GALNT17: variants seen among roughly 807,000 people sequenced by gnomAD.
GALNT17 encodes UDP-GalNAc:polypeptide N-acetylgalactosaminyltransferase-like 3.
In GALNT17, 29 loss-of-function variants were observed where a neutral mutation model predicts 63.7. The observed-to-expected ratio is 0.46, with a 90% confidence interval of 0.34 to 0.62. GALNT17 has a LOEUF of 0.62. Ranked by LOEUF, GALNT17 falls within the 20% of genes least tolerant of loss-of-function variation. The pLI, the probability that GALNT17 is intolerant of heterozygous loss-of-function variation, is 0.01. For missense variants in GALNT17, 603 were observed against 799.6 expected, an observed-to-expected ratio of 0.75 and a Z score of 2.97; for synonymous variants, 305 against 318.3, an observed-to-expected ratio of 0.96 and a Z score of 0.45.
In GALNT17 at chr7:71,378,414, G is replaced by A. The variant is rs1006185951; in HGVS notation, c.423-9821G>A. 9.9e-5 allele frequency among the ~76,000 whole-genome samples: 15 copies of A among 152,168 alleles called. No homozygotes were observed. The South Asian group carries it at 2.7e-3, about 27-fold the overall frequency. On this transcript the variant is annotated intron_variant, in intron 2 of 10. Transcript: ENST00000333538. ...TAGGGAAGCCTTGATGAGGAGGGAA[G>A]CATAAAGGGAAAATTGGGCTGGTTA...
At chr7:71,420,753 G>T (rs527890347) in intron 4 of GALNT17, among the ~76,000 whole-genome samples, 155 bp from the exon 5 acceptor site, 1 of 152,178 alleles carries the variant, frequency 6.6e-6, no homozygotes, top group Non-Finnish European at 1.5e-5. Flanking sequence ...AGGATCCAGC[G>T]TGGGCAGGTC....
chr7:71,674,348 T>TA (rs67385519), intron 8 of GALNT17, among the ~76,000 whole-genome samples: 6,217 of 146,096 alleles, frequency 0.043, 354 homozygotes, highest in African/African-American at 0.13. Context: ...CTCTTCCTTT[T>TA]TAAAAAAAAA....
chr7:71,695,573 A>G (rs1244840040), intron 9 of GALNT17, among the ~76,000 whole-genome samples: 1 of 152,190 alleles, frequency 6.6e-6, no homozygotes, highest in African/African-American at 2.4e-5. Context: ...AAAGTGTGCA[A>G]TCTGATGAGT....
intron 9 of GALNT17, among the ~76,000 whole-genome samples, chr7:71,695,807 A>C (rs1791531854): frequency 6.6e-6 from 1 of 152,190 alleles, no homozygotes; most frequent in Non-Finnish European, 1.5e-5. Context: ...CTGGAGACAG[A>C]GCATCTTCTC....
At chr7:71,194,368 A>C (rs1444456179) in intron 1 of GALNT17, among the ~76,000 whole-genome samples, 1 of 152,196 alleles carries the variant, frequency 6.6e-6, no homozygotes, top group African/African-American at 2.4e-5. Context: ...ATTTCACTGC[A>C]CACATTTTTT....
chr7:71,694,379 A>G (rs1791508601), intron 9 of GALNT17, among the ~76,000 whole-genome samples: 1 of 123,496 alleles, frequency 8.1e-6, no homozygotes, highest in Non-Finnish European at 1.6e-5. Flanking sequence ...TTTTTTTGAG[A>G]TGGAGTCTCA....
chr7:71,319,709 A>G (rs1288723615), intron 1 of GALNT17, among the ~76,000 whole-genome samples: 1 of 152,012 alleles, frequency 6.6e-6, no homozygotes, highest in Non-Finnish European at 1.5e-5. Flanking sequence ...CCCCTTCTCC[A>G]TCTCAATCAA....
Position 71,192,696 on chromosome 7 carries a change from C to T in GALNT17, c.238+59656C>T, listed in dbSNP as rs927752541. On this transcript the variant is annotated intron_variant, in intron 1 of 10. Coordinates refer to ENST00000333538, the MANE Select transcript of GALNT17 (RefSeq NM_022479.3). Reference sequence around the variant, plus strand: ...CAGGCATGAACCACTGCACCCAGCCCTATATTTAACTCTTAACTGCCAAAT... The same window carrying T: ...CAGGCATGAACCACTGCACCCAGCCTTATATTTAACTCTTAACTGCCAAAT... Among the ~76,000 whole-genome samples, 5 of 152,132 alleles carry T rather than the reference C, an allele frequency of 3.3e-5. No individual in the cohort carries two copies. The East Asian group carries it at 9.6e-4, about 29-fold the overall frequency.
At chr7:71,313,429 G>A (rs1281155012) in intron 1 of GALNT17, among the ~76,000 whole-genome samples, 1 of 152,162 alleles carries the variant, frequency 6.6e-6, no homozygotes, top group Non-Finnish European at 1.5e-5. Flanking sequence ...AAATTTGAAA[G>A]AGCCAATGAA....
intron 5 of GALNT17, among the ~76,000 whole-genome samples, chr7:71,465,632 C>A (rs2116594727): frequency 6.6e-6 from 1 of 152,288 alleles, no homozygotes; most frequent in African/African-American, 2.4e-5. Context: ...GTGTCCAAAC[C>A]TTTGGCCCCT....
chr7:71,291,132 C>A (rs1232976201), intron 1 of GALNT17, among the ~76,000 whole-genome samples: 7 of 152,160 alleles, frequency 4.6e-5, no homozygotes, highest in Admixed American at 4.6e-4. Context: ...AATATATTAA[C>A]CTTAATAAAT....
At chr7:71,264,186 G>T (rs1396965430) in intron 1 of GALNT17, among the ~76,000 whole-genome samples, 1 of 152,172 alleles carries the variant, frequency 6.6e-6, no homozygotes, top group Non-Finnish European at 1.5e-5. Flanking sequence ...GCTTCCAGTT[G>T]TGCCTTCATT....
chr7:71,365,966 G>A (rs566487021), intron 2 of GALNT17, among the ~76,000 whole-genome samples: 25 of 152,180 alleles, frequency 1.6e-4, no homozygotes, highest in African/African-American at 5.1e-4. Flanking sequence ...GCAACTAGAC[G>A]GTCCCATCTG....
chr7:71,627,180 G>C (rs1294040051), intron 6 of GALNT17, among the ~76,000 whole-genome samples: 1 of 152,202 alleles, frequency 6.6e-6, no homozygotes, highest in Admixed American at 6.5e-5. Context: ...CTTCACTGCT[G>C]AGTGCAACGT....
intron 3 of GALNT17, among the ~76,000 whole-genome samples, chr7:71,397,941 T>TTTGTTGTTGTTGTTG (rs111851668): frequency 1.3e-5 from 2 of 150,690 alleles, no homozygotes; most frequent in East Asian, 3.9e-4. Flanking sequence ...CATTATTGTC[T>TTTGTTGTTGTTGTTG]TTGTTGTTGT....
intron 9 of GALNT17, among the ~76,000 whole-genome samples, chr7:71,701,902 T>C (rs1365690551): frequency 1.3e-4 from 14 of 110,110 alleles, no homozygotes; most frequent in Admixed American, 3.8e-4. Flanking sequence ...TATACACATA[T>C]ATATATATAC....
At chr7:71,176,759 C>G (rs1031174687) in intron 1 of GALNT17, among the ~76,000 whole-genome samples, 10 of 152,088 alleles carry the variant, frequency 6.6e-5, no homozygotes, top group African/African-American at 2.4e-4. Flanking sequence ...GATGTGTCCC[C>G]AAGCCTGCTG....
At chr7:71,413,188 G>C (rs1443685301) in intron 3 of GALNT17, among the ~76,000 whole-genome samples, 1 of 152,094 alleles carries the variant, frequency 6.6e-6, no homozygotes, top group African/African-American at 2.4e-5. Context: ...AGAATAGTGA[G>C]AGCTCACGTC....
chr7:71,444,687 TTGAC>T (rs1787128229), intron 5 of GALNT17, among the ~76,000 whole-genome samples: 1 of 151,856 alleles, frequency 6.6e-6, no homozygotes, highest in South Asian at 2.1e-4. Context: ...AATACAAAAA[TTGAC>T]TGGGCAGCGC....
Sources: gnomAD v4.1 joint callset for allele counts (sites outside exome capture counted in the v4.1 genomes callset) on GRCh38, gnomAD v4.1.1 for gene constraint, MANE v1.5 for transcripts, NCBI Gene and HGNC (gene_info 2026-07-23, HGNC 2026-07-21) for gene names.